Variants in ATP8A2 observed in about 807,000 individuals in gnomAD.
ATP8A2 encodes the protein ATPase phospholipid transporting 8A2, also known as phospholipid-transporting ATPase IB.
Under a neutral mutation model 165.6 loss-of-function variants are expected in ATP8A2, and 100 were observed. The observed-to-expected ratio is 0.60, with a 90% CI of 0.51 to 0.71. ATP8A2 has a LOEUF of 0.71. Ranked by LOEUF, ATP8A2 falls within the 30% of genes least tolerant of loss-of-function variation. The probability of loss-of-function intolerance (pLI) is 0.00; values close to 1 mark genes in which losing one functional copy is unlikely to be tolerated. For missense variants in ATP8A2, 1,227 were observed against 1,479.5 expected (o/e 0.83, Z 2.80); for synonymous variants, 543 against 548.8 (o/e 0.99, Z 0.15).
rs191239662 is a variant in ATP8A2 at position 25,392,797 on chromosome 13, C to T, written c.76+20509C>T. Among the ~76,000 whole-genome samples the T allele has an allele frequency of 1.6e-4, 24 of 151,964 alleles. No homozygotes were observed. The East Asian group carries it at 1.7e-3, about 11-fold the overall frequency. On this transcript the variant is annotated intron_variant, in intron 1 of 36. Transcript: ENST00000381655. ...AACTTTTAAAAACTGGATTCTAAGCCGGGCGTGGTGGCTCATACCTGTAGT... is the reference window on the plus strand; with the variant it reads ...AACTTTTAAAAACTGGATTCTAAGCTGGGCGTGGTGGCTCATACCTGTAGT...
chr13:25,732,316 C>T (rs999041874), intron 25 of ATP8A2, among the ~76,000 whole-genome samples: 1 of 152,164 alleles, frequency 6.6e-6, no homozygotes, highest in African/African-American at 2.4e-5. Flanking sequence ...GGCTTGTGGC[C>T]ACGTAGCAAT....
At chr13:25,557,546 T>C (rs2039017114) in intron 13 of ATP8A2, among the ~76,000 whole-genome samples, 1 of 152,222 alleles carries the variant, frequency 6.6e-6, no homozygotes. Context: ...CCCATAACAG[T>C]CTTCCAAACA....
intron 33 of ATP8A2, among the ~76,000 whole-genome samples, chr13:25,928,716 C>T (rs1954682707): frequency 6.6e-6 from 1 of 152,206 alleles, no homozygotes; most frequent in African/African-American, 2.4e-5. Context: ...CTCACCAGCT[C>T]TCTTCTTCCC....
chr13:25,644,252 G>T (rs147556798), intron 24 of ATP8A2, among the ~76,000 whole-genome samples: 9 of 151,962 alleles, frequency 5.9e-5, no homozygotes, highest in Admixed American at 3.3e-4. Context: ...AATTGCTCTG[G>T]CAAGGAATCC....
At chr13:25,573,602 T>C (rs1408247078) in intron 18 of ATP8A2, among the ~76,000 whole-genome samples, 1 of 152,192 alleles carries the variant, frequency 6.6e-6, no homozygotes, top group Admixed American at 6.5e-5. Context: ...TTACATGAAA[T>C]GTCCTCGCCA....
chr13:25,762,574 A>T (rs773315914), intron 25 of ATP8A2, among the ~76,000 whole-genome samples: 1 of 152,190 alleles, frequency 6.6e-6, no homozygotes, highest in African/African-American at 2.4e-5. Context: ...GAAAGTTAAG[A>T]TAGTTTTGTT....
Position 25,884,796 on chromosome 13 carries a change from G to A in ATP8A2, c.3183+22388G>A, listed in dbSNP as rs560847284. Among the ~76,000 whole-genome samples the A allele has an allele frequency of 1.5e-4, 23 of 152,314 alleles. No individual in the cohort carries two copies. The South Asian group carries it at 4.1e-3, about 27-fold the overall frequency. On this transcript the variant is annotated intron_variant, in intron 33 of 36. Coordinates refer to ENST00000381655, the MANE Select transcript of ATP8A2 (RefSeq NM_016529.6). ...CAGAGTTTGATTTCATTGCCCCTGC[G>A]GCTTCTCCTGCCCCACTCAGGCACT...
intron 35 of ATP8A2, among the ~76,000 whole-genome samples, chr13:25,997,880 T>G (rs1482294414): frequency 6.6e-6 from 1 of 152,244 alleles, no homozygotes; most frequent in Non-Finnish European, 1.5e-5. Context: ...TACTTTAAAA[T>G]CTTTGTCAGA....
At chr13:25,481,185 G>GT in intron 2 of ATP8A2, among the ~76,000 whole-genome samples, 1 of 148,778 alleles carries the variant, frequency 6.7e-6, no homozygotes, top group South Asian at 2.1e-4. Flanking sequence ...GAGGGAGAGG[G>GT]AGAGGGACAG....
intron 36 of ATP8A2, among the ~76,000 whole-genome samples, 161 bp from the exon 37 acceptor site, chr13:26,019,727 G>C (rs1957054715): frequency 6.6e-6 from 1 of 152,176 alleles, no homozygotes; most frequent in African/African-American, 2.4e-5. Flanking sequence ...GCCCCTCTAT[G>C]GCCACAGGTT....
chr13:25,960,879 C>T (rs9319260), intron 33 of ATP8A2, among the ~76,000 whole-genome samples: 2 of 152,194 alleles, frequency 1.3e-5, no homozygotes, highest in African/African-American at 4.8e-5. Context: ...GCTGCTCTCC[C>T]CTGTCCTTTA....
chr13:25,673,598 A>G (rs2042310912), intron 24 of ATP8A2, among the ~76,000 whole-genome samples: 1 of 152,204 alleles, frequency 6.6e-6, no homozygotes, highest in Non-Finnish European at 1.5e-5. Context: ...CTCCCTGTCT[A>G]CGCTGACTCG....
At chr13:25,429,947 G>A (rs1172124901) in intron 1 of ATP8A2, among the ~76,000 whole-genome samples, 1 of 152,178 alleles carries the variant, frequency 6.6e-6, no homozygotes, top group Non-Finnish European at 1.5e-5. Flanking sequence ...GGGATTTTGA[G>A]GAGGGGTTGG....
chr13:25,839,752 A>G, intron 30 of ATP8A2, 128 bp downstream of exon 30: 1 of 752,098 alleles, frequency 1.3e-6, no homozygotes, highest in Non-Finnish European at 2.3e-6. Context: ...GAGGAAAAAC[A>G]TACCTAAAGC....
intron 18 of ATP8A2, among the ~76,000 whole-genome samples, chr13:25,572,896 T>A (rs1019628075): frequency 6.6e-6 from 1 of 152,224 alleles, no homozygotes; most frequent in Non-Finnish European, 1.5e-5. Context: ...AAGTTTTTTC[T>A]TTTAGTTATA....
intron 1 of ATP8A2, among the ~76,000 whole-genome samples, chr13:25,438,165 G>A (rs953175175): frequency 1.3e-5 from 2 of 152,042 alleles, no homozygotes; most frequent in Non-Finnish European, 1.5e-5. Context: ...AATGAGGAAG[G>A]GTCTGGGTAG....
intron 2 of ATP8A2, among the ~76,000 whole-genome samples, chr13:25,525,163 C>T (rs1473561740): frequency 6.6e-6 from 1 of 151,912 alleles, no homozygotes; most frequent in Non-Finnish European, 1.5e-5. Context: ...GGAATAGAAA[C>T]AATAAACTAA....
chr13:25,507,885 A>G (rs1319967313), intron 2 of ATP8A2, among the ~76,000 whole-genome samples: 1 of 152,228 alleles, frequency 6.6e-6, no homozygotes, highest in Non-Finnish European at 1.5e-5. Context: ...AATATAAAAT[A>G]GAGTTAACAG....
At chr13:25,435,279 C>T (rs1386056337) in intron 1 of ATP8A2, among the ~76,000 whole-genome samples, 1 of 152,042 alleles carries the variant, frequency 6.6e-6, no homozygotes, top group Non-Finnish European at 1.5e-5. Context: ...CACCACCATA[C>T]CTGGCTAATT....
Sources: gnomAD v4.1 joint callset for allele counts (sites outside exome capture counted in the v4.1 genomes callset) on GRCh38, gnomAD v4.1.1 for gene constraint, MANE v1.5 for transcripts, NCBI Gene and HGNC (gene_info 2026-07-23, HGNC 2026-07-21) for gene names.